Variants in GLIS3 observed in about 807,000 individuals in gnomAD.
The protein encoded by GLIS3 is GLIS family zinc finger 3, also known as zinc finger protein GLIS3.
GLIS3 carries 53 observed loss-of-function variants against 78.6 expected under a neutral mutation model. The ratio of observed to expected loss-of-function variants is 0.67; its 90% CI spans 0.54 to 0.85. The LOEUF is 0.85. Among genes scored for constraint, GLIS3 ranks in the 40% least tolerant of loss-of-function variants. The probability of loss-of-function intolerance (pLI) is 0.00; values close to 1 mark genes in which losing one functional copy is unlikely to be tolerated. For synonymous variants in GLIS3, 684 were observed against 509.9 expected (o/e 1.34, Z -4.60); for missense variants, 1,703 against 1,231.1 (o/e 1.38, Z -5.74).
chr9:4,100,283 A>ACTATC (rs1430551996), intron 4 of GLIS3, among the ~76,000 whole-genome samples: 1 of 152,158 alleles, frequency 6.6e-6, no homozygotes, highest in Non-Finnish European at 1.5e-5. Context: ...TAAACCACAC[A>ACTATC]CTATCCTAGT....
intron 4 of GLIS3, among the ~76,000 whole-genome samples, chr9:4,082,865 T>C (rs1828678623): frequency 1.3e-5 from 2 of 152,232 alleles, no homozygotes; most frequent in South Asian, 2.1e-4. Context: ...GTTTGTACCA[T>C]TTCCCATACA....
At chr9:3,921,510 A>G (rs1824885272) in intron 6 of GLIS3, among the ~76,000 whole-genome samples, 1 of 152,258 alleles carries the variant, frequency 6.6e-6, no homozygotes, top group African/African-American at 2.4e-5. Context: ...TCAGAAGAGT[A>G]GTTTCACTAA....
the GLIS3 span, among the ~76,000 whole-genome samples, chr9:4,404,425 T>C: frequency 6.6e-6 from 1 of 152,130 alleles, no homozygotes; most frequent in Non-Finnish European, 1.5e-5. Context: ...TATACATTCT[T>C]CTCAGTACAT....
chr9:4,195,411 G>A (rs536692491), intron 2 of GLIS3, among the ~76,000 whole-genome samples: 5 of 152,314 alleles, frequency 3.3e-5, no homozygotes, highest in East Asian at 1.9e-4. Context: ...CGGTGCCACC[G>A]GCCCCAGACA....
chr9:4,353,676 G>C, the GLIS3 span, among the ~76,000 whole-genome samples: 1 of 152,108 alleles, frequency 6.6e-6, no homozygotes, highest in South Asian at 2.1e-4. Context: ...AGATCATCTC[G>C]AGATAGAGCC....
chr9:4,242,173 C>A (rs543601327), intron 2 of GLIS3, among the ~76,000 whole-genome samples: 1 of 152,198 alleles, frequency 6.6e-6, no homozygotes, highest in East Asian at 1.9e-4. Context: ...CTGATCCAAC[C>A]TGGACCCCAT....
At chr9:4,108,988 C>G (rs187561041) in intron 4 of GLIS3, among the ~76,000 whole-genome samples, 288 of 152,242 alleles carry the variant, frequency 1.9e-3, no homozygotes, top group Non-Finnish European at 3.3e-3. Flanking sequence ...TTTCATGCTG[C>G]CTTCCCCGGT....
intron 4 of GLIS3, among the ~76,000 whole-genome samples, chr9:4,056,725 C>T (rs999679420): frequency 6.6e-6 from 1 of 151,962 alleles, no homozygotes; most frequent in Non-Finnish European, 1.5e-5. Flanking sequence ...ACACACCCCA[C>T]CACGCACACA....
At chr9:4,277,196 G>T (rs1213257653) in intron 2 of GLIS3, among the ~76,000 whole-genome samples, 1 of 152,094 alleles carries the variant, frequency 6.6e-6, no homozygotes, top group African/African-American at 2.4e-5. Flanking sequence ...ATTGTCTGTT[G>T]TTTTCCCAGA....
intron 4 of GLIS3, among the ~76,000 whole-genome samples, chr9:4,049,233 A>G (rs1330132789): frequency 6.6e-6 from 1 of 152,198 alleles, no homozygotes. Context: ...ACTGCTTGTC[A>G]AAATACTCAA....
chr9:4,112,915 C>T (rs1180905932), intron 4 of GLIS3, among the ~76,000 whole-genome samples: 1 of 152,014 alleles, frequency 6.6e-6, no homozygotes, highest in Non-Finnish European at 1.5e-5. Context: ...CCTCACATCC[C>T]ATCTCTTTTA....
the GLIS3 span, among the ~76,000 whole-genome samples, chr9:4,377,409 T>C: frequency 2.2e-5 from 3 of 135,582 alleles, 1 homozygote; most frequent in Admixed American, 1.5e-4. Flanking sequence ...GTTACACCAG[T>C]TGTTTGCTGG....
chr9:3,972,224 C>A (rs537580639), intron 4 of GLIS3, among the ~76,000 whole-genome samples: 1 of 152,210 alleles, frequency 6.6e-6, no homozygotes, highest in East Asian at 1.9e-4. Flanking sequence ...TCCTCTTATC[C>A]CCTCCAGTAA....
chr9:4,083,538 G>T (rs1828735442), intron 4 of GLIS3, among the ~76,000 whole-genome samples: 1 of 152,170 alleles, frequency 6.6e-6, no homozygotes, highest in African/African-American at 2.4e-5. Context: ...CTGAGAAATT[G>T]AAACATTAAT....
chr9:3,856,822 G>A (rs557781901), intron 8 of GLIS3, among the ~76,000 whole-genome samples: 1 of 152,320 alleles, frequency 6.6e-6, no homozygotes, highest in African/African-American at 2.4e-5. Context: ...ATGATAGGAA[G>A]ATGATGTAGG....
At chr9:4,276,757 T>A (rs544335585) in intron 2 of GLIS3, among the ~76,000 whole-genome samples, 16 of 152,148 alleles carry the variant, frequency 1.1e-4, no homozygotes, top group Non-Finnish European at 2.2e-4. Flanking sequence ...TGGAAATGCA[T>A]CATCAATTTG....
chr9:4,338,451 G>A (rs1817787399), intron 2 of GLIS3, among the ~76,000 whole-genome samples: 1 of 151,980 alleles, frequency 6.6e-6, no homozygotes, highest in Non-Finnish European at 1.5e-5. Context: ...TATTCAGGAT[G>A]AGAATTCAGC....
chr9:4,081,279 C>T (rs1828534932), intron 4 of GLIS3: 1 of 152,296 alleles, frequency 6.6e-6, no homozygotes, highest in African/African-American at 2.4e-5. Flanking sequence ...CAGGCCTCTG[C>T]AGTCCTTTGT....
chr9:3,871,068 C>A (rs115012542), intron 8 of GLIS3, among the ~76,000 whole-genome samples: 1 of 152,162 alleles, frequency 6.6e-6, no homozygotes, highest in African/African-American at 2.4e-5. Context: ...AGGGGCTACA[C>A]GGCACATGCA....
Sources: gnomAD v4.1 joint callset for allele counts (sites outside exome capture counted in the v4.1 genomes callset) on GRCh38, gnomAD v4.1.1 for gene constraint, MANE v1.5 for transcripts, NCBI Gene and HGNC (gene_info 2026-07-23, HGNC 2026-07-21) for gene names.